The following ARHGAP22 variants were observed in gnomAD, a reference collection of about 807,000 sequenced individuals.
The protein encoded by ARHGAP22 is Rho GTPase activating protein 22.
ARHGAP22 carries 48 observed loss-of-function variants against 59.1 expected under a neutral mutation model. That is an observed-to-expected ratio of 0.81 (90% CI 0.64 to 1.03). ARHGAP22 has a LOEUF of 1.03. Among genes scored for constraint, ARHGAP22 ranks in the 50% least tolerant of loss-of-function variants. The pLI is 0.00. For synonymous variants in ARHGAP22, 445 were observed against 416.4 expected, an observed-to-expected ratio of 1.07 and a Z score of -0.84; for missense variants, 1,015 against 958.7, an observed-to-expected ratio of 1.06 and a Z score of -0.78.
chr10:48,643,291 C>A (rs908478898), intron 1 of ARHGAP22, among the ~76,000 whole-genome samples: 6 of 151,292 alleles, frequency 4.0e-5, no homozygotes, highest in African/African-American at 1.5e-4. Flanking sequence ...CATGCACACG[C>A]CGCAATAAAC....
intron 1 of ARHGAP22, among the ~76,000 whole-genome samples, 198 bp from the exon 2 acceptor site, chr10:48,583,350 C>T (rs1370996561): frequency 6.6e-6 from 1 of 152,220 alleles, no homozygotes; most frequent in South Asian, 2.1e-4. Flanking sequence ...GCAGTGATCC[C>T]CCTGGGGTAG....
intron 1 of ARHGAP22, among the ~76,000 whole-genome samples, chr10:48,628,988 T>C (rs1218961186): frequency 1.3e-5 from 2 of 152,198 alleles, no homozygotes; most frequent in Non-Finnish European, 2.9e-5. Context: ...GGAGTTTATC[T>C]TGCAGGGAAA....
upstream of ARHGAP22, among the ~76,000 whole-genome samples, chr10:48,654,841 C>CCTT (rs2062710143): frequency 7.1e-6 from 1 of 140,182 alleles, no homozygotes; most frequent in African/African-American, 2.7e-5. Flanking sequence ...TTCCTTCCTT[C>CCTT]CTCTCTCTTT....
chr10:48,608,809 A>T (rs1225444547), upstream of ARHGAP22, among the ~76,000 whole-genome samples: 1 of 152,246 alleles, frequency 6.6e-6, no homozygotes. Flanking sequence ...TAGCAAGAAC[A>T]TCATTAGAAA....
intron 2 of ARHGAP22, among the ~76,000 whole-genome samples, chr10:48,557,984 C>A (rs886581880): frequency 1.1e-4 from 17 of 152,146 alleles, no homozygotes; most frequent in Admixed American, 6.5e-4. Flanking sequence ...TTTGAACGTG[C>A]CTTGGAGTCA....
rs376623402 is a variant in ARHGAP22, at chr10:48,479,626, C to T, written c.451+10G>A. 29 of 1,613,788 alleles carry T rather than the reference C, an allele frequency of 1.8e-5. No homozygotes were observed. The highest frequency in any genetic ancestry group is 2.5e-5 in the Non-Finnish European group (29 of 1,179,976). ...TTCTAGAGGGTGGGCATGCGATCTA[C>T]GGGCAGTACCTCCGCCCAGCGGGGC... On this transcript the variant is annotated intron_variant, in intron 4 of 9. Transcript: ENST00000249601.
At chr10:48,630,757 T>A (rs1351698577) in intron 1 of ARHGAP22, among the ~76,000 whole-genome samples, 2 of 152,240 alleles carry the variant, frequency 1.3e-5, no homozygotes, top group Non-Finnish European at 2.9e-5. Context: ...TTTTATTTCT[T>A]CCTCCATTCT....
chr10:48,465,028 T>C (rs1399963628), intron 4 of ARHGAP22, among the ~76,000 whole-genome samples: 1 of 152,096 alleles, frequency 6.6e-6, no homozygotes, highest in African/African-American at 2.4e-5. Context: ...GCCTCCCTTA[T>C]TAGGGGCCCC....
upstream of ARHGAP22, among the ~76,000 whole-genome samples, chr10:48,654,163 T>A (rs2062666604): frequency 3.3e-5 from 5 of 152,192 alleles, no homozygotes. Flanking sequence ...CATGGCTGGA[T>A]CCAGCAGCTT....
At chr10:48,614,953 T>C (rs961067693) in intron 1 of ARHGAP22, among the ~76,000 whole-genome samples, 1 of 152,240 alleles carries the variant, frequency 6.6e-6, no homozygotes, top group African/African-American at 2.4e-5. Context: ...TGTGGAATTT[T>C]GTCAAAAACA....
At chr10:48,567,599 T>C (rs2058127612) in intron 2 of ARHGAP22, among the ~76,000 whole-genome samples, 1 of 152,178 alleles carries the variant, frequency 6.6e-6, no homozygotes, top group African/African-American at 2.4e-5. Context: ...TCATCAAATC[T>C]CCATGGGCTG....
At chr10:48,514,430 A>G (rs2053094373) in intron 3 of ARHGAP22, among the ~76,000 whole-genome samples, 1 of 152,208 alleles carries the variant, frequency 6.6e-6, no homozygotes, top group South Asian at 2.1e-4. Context: ...AGGCAACAGA[A>G]CAACATTTTC....
upstream of ARHGAP22, among the ~76,000 whole-genome samples, chr10:48,607,593 G>A (rs1406361209): frequency 6.6e-6 from 1 of 152,134 alleles, no homozygotes; most frequent in Non-Finnish European, 1.5e-5. Context: ...CAGGGCAAGG[G>A]GATCTGTTGA....
intron 4 of ARHGAP22, among the ~76,000 whole-genome samples, chr10:48,463,208 G>A (rs61838729): frequency 0.15 from 23,401 of 152,064 alleles, 1,890 homozygotes; most frequent in African/African-American, 0.18. Context: ...CTACTTCTCC[G>A]CAGTCTCCAC....
intron 3 of ARHGAP22, among the ~76,000 whole-genome samples, chr10:48,488,086 C>T (rs1222287700): frequency 6.6e-6 from 1 of 152,138 alleles, no homozygotes; most frequent in East Asian, 1.9e-4. Flanking sequence ...TGTGTCACAA[C>T]AGCAATAGAA....
intron 2 of ARHGAP22, among the ~76,000 whole-genome samples, chr10:48,567,398 G>C: frequency 6.6e-6 from 1 of 152,044 alleles, no homozygotes; most frequent in Non-Finnish European, 1.5e-5. Context: ...CCCCGGCCTT[G>C]GTGGCAGCCC....
At chr10:48,449,191 A>G (rs1157586802) in intron 9 of ARHGAP22, among the ~76,000 whole-genome samples, 4 of 152,230 alleles carry the variant, frequency 2.6e-5, no homozygotes, top group Non-Finnish European at 4.4e-5. Flanking sequence ...TGCAGCAGAT[A>G]GCATCTTCTA....
Position 48,476,122 on chromosome 10 carries a change from G to T in ARHGAP22, c.451+3514C>A, listed in dbSNP as rs368047458. ...GGTCACCCGCCTCCTCTACTAGCAC[G>T]TGAGAACCATGAGGCCAGTGCCTGT... is the stretch of plus-strand genomic sequence containing the variant. On this transcript the variant is annotated intron_variant, in intron 4 of 9. Transcript: ENST00000249601. 1.3e-4 allele frequency among the ~76,000 whole-genome samples: 20 copies of T among 152,270 alleles called. No homozygotes were observed. The South Asian group carries it at 4.1e-3, about 32-fold the overall frequency.
At chr10:48,543,121 C>A (rs1001172834) in intron 3 of ARHGAP22, among the ~76,000 whole-genome samples, 4 of 152,142 alleles carry the variant, frequency 2.6e-5, no homozygotes, top group African/African-American at 9.7e-5. Context: ...CCCAAGGGGA[C>A]ACACCAGCTA....
Sources: gnomAD v4.1 joint callset for allele counts (sites outside exome capture counted in the v4.1 genomes callset) on GRCh38, gnomAD v4.1.1 for gene constraint, MANE v1.5 for transcripts, NCBI Gene and HGNC (gene_info 2026-07-23, HGNC 2026-07-21) for gene names.